The following DGKB variants were observed in gnomAD, a reference collection of about 807,000 sequenced individuals.
The protein encoded by DGKB is 90 kDa diacylglycerol kinase.
DGKB carries 67 observed loss-of-function variants against 114.3 expected under a neutral mutation model. The ratio of observed to expected loss-of-function variants is 0.59; its 90% CI spans 0.48 to 0.72. The LOEUF (loss-of-function observed/expected upper bound fraction) is 0.72, where lower values mean the gene tolerates loss of function less well. Ranked by LOEUF, DGKB falls within the 30% of genes least tolerant of loss-of-function variation. The probability of loss-of-function intolerance (pLI) is 0.00; values close to 1 mark genes in which losing one functional copy is unlikely to be tolerated. For missense variants in DGKB, 907 were observed against 975.2 expected (o/e 0.93, Z 0.93); for synonymous variants, 398 against 323.1 (o/e 1.23, Z -2.49).
intron 1 of DGKB, among the ~76,000 whole-genome samples, chr7:14,889,345 A>G (rs1188863759): frequency 6.6e-6 from 1 of 151,650 alleles, no homozygotes; most frequent in Non-Finnish European, 1.5e-5. Flanking sequence ...TCTTATAATC[A>G]TCTGAATGGG....
At chr7:14,408,122 G>C (rs563444419) in intron 21 of DGKB, among the ~76,000 whole-genome samples, 2 of 152,212 alleles carry the variant, frequency 1.3e-5, no homozygotes, top group African/African-American at 4.8e-5. Context: ...AAAAAACATG[G>C]TGGCTCCTGA....
intron 17 of DGKB, among the ~76,000 whole-genome samples, chr7:14,589,869 T>C (rs1801394458): frequency 1.3e-5 from 2 of 152,212 alleles, no homozygotes; most frequent in South Asian, 4.1e-4. Flanking sequence ...ACCACTTTTG[T>C]CTACTTTTTA....
At chr7:14,401,191 G>A (rs1823041484) in intron 21 of DGKB, among the ~76,000 whole-genome samples, 1 of 151,828 alleles carries the variant, frequency 6.6e-6, no homozygotes, top group African/African-American at 2.4e-5. Context: ...AATCCAAAAT[G>A]TCTTCCATTG....
intron 21 of DGKB, among the ~76,000 whole-genome samples, chr7:14,385,339 T>G (rs1244026678): frequency 6.6e-6 from 1 of 152,140 alleles, no homozygotes; most frequent in Non-Finnish European, 1.5e-5. Context: ...AGACTGGTGG[T>G]GAAGAAACCT....
In DGKB at chr7:14,512,138, A is replaced by G. The variant is rs1364298090; in HGVS notation, c.1771-33913T>C. 2.6e-5 allele frequency among the ~76,000 whole-genome samples: 4 copies of G among 152,216 alleles called. No homozygotes were observed. The East Asian group carries it at 5.8e-4, about 22-fold the overall frequency. ...TTTGCTCAAAATAGGGTTGCCATAG[A>G]CCTTCAATTTATAAAAAGCACAGTG... On this transcript the variant is annotated intron_variant, in intron 20 of 25. Coordinates refer to ENST00000402815, the MANE Select transcript of DGKB (RefSeq NM_001350709.2).
At chr7:14,626,011 G>C (rs1305901419) in intron 14 of DGKB, among the ~76,000 whole-genome samples, 1 of 151,762 alleles carries the variant, frequency 6.6e-6, no homozygotes, top group Non-Finnish European at 1.5e-5. Flanking sequence ...CATAAACAGA[G>C]AAGAAAAGCC....
chr7:14,710,375 G>T (rs1215533910), intron 6 of DGKB, among the ~76,000 whole-genome samples: 1 of 152,034 alleles, frequency 6.6e-6, no homozygotes, highest in Non-Finnish European at 1.5e-5. Context: ...CATAGATCTT[G>T]CTAAACACAC....
At chr7:14,222,648 T>G (rs1300649144) in intron 23 of DGKB, among the ~76,000 whole-genome samples, 2 of 151,478 alleles carry the variant, frequency 1.3e-5, no homozygotes, top group African/African-American at 4.8e-5. Context: ...ATTTATTATA[T>G]TGGTGTTTGT....
At chr7:14,708,892 G>C (rs1218955617) in intron 6 of DGKB, among the ~76,000 whole-genome samples, 1 of 151,134 alleles carries the variant, frequency 6.6e-6, no homozygotes. Context: ...TACCATTCGG[G>C]ACATAGGCAT....
intron 6 of DGKB, among the ~76,000 whole-genome samples, chr7:14,702,993 A>C (rs1217610365): frequency 6.6e-6 from 1 of 152,256 alleles, no homozygotes; most frequent in African/African-American, 2.4e-5. Flanking sequence ...ATAATACTAA[A>C]CTGGCTAAAA....
intron 23 of DGKB, chr7:14,269,217 G>A (rs573157647): frequency 6.6e-6 from 1 of 152,402 alleles, no homozygotes; most frequent in African/African-American, 2.4e-5. Context: ...TAGGAAGAAA[G>A]GAGGAAGCTG....
chr7:14,581,146 C>G (rs1400631286), intron 18 of DGKB, among the ~76,000 whole-genome samples, 195 bp from the exon 19 acceptor site: 1 of 152,074 alleles, frequency 6.6e-6, no homozygotes, highest in Non-Finnish European at 1.5e-5. Context: ...TGATAAGACA[C>G]AAATACTATT....
chr7:14,911,864 A>G (rs2128243816), intron 1 of DGKB, among the ~76,000 whole-genome samples: 1 of 152,322 alleles, frequency 6.6e-6, no homozygotes, highest in Admixed American at 6.5e-5. Context: ...AGAGTTTCTA[A>G]CTTTGTTTAC....
intron 13 of DGKB, among the ~76,000 whole-genome samples, chr7:14,661,059 T>C (rs1224426032): frequency 6.6e-6 from 1 of 151,214 alleles, no homozygotes; most frequent in East Asian, 2.0e-4. Flanking sequence ...CAATTCAAGA[T>C]GGATTAAAGA....
At chr7:14,888,057 T>C (rs1428256303) in intron 1 of DGKB, among the ~76,000 whole-genome samples, 1 of 151,684 alleles carries the variant, frequency 6.6e-6, no homozygotes, top group African/African-American at 2.4e-5. Context: ...TAGTGCAATC[T>C]TACCAATGAC....
chr7:14,147,072 A>G lies in DGKB; in HGVS notation c.*2059T>C, dbSNP rs1185737839. ...ACAAAGCCTGCCTGCCCATTGTAGA[A>G]AATTTTGTCAATTCATGTGAAAATA... On this transcript the variant is annotated 3_prime_UTR_variant, in exon 26 of 26. Transcript: ENST00000402815. The G allele has an allele frequency of 6.6e-6, 1 of 152,174 alleles. No homozygotes were observed. The highest frequency in any genetic ancestry group is 1.5e-5 in the Non-Finnish European group (1 of 68,000). 9.4% of individuals were successfully genotyped at this position (152,174 alleles called of 1,614,324 possible).
intron 20 of DGKB, among the ~76,000 whole-genome samples, chr7:14,563,841 T>C (rs1797021752): frequency 6.6e-6 from 1 of 152,204 alleles, no homozygotes; most frequent in African/African-American, 2.4e-5. Context: ...TGAAATATTC[T>C]GGGGTCTTCA....
At chr7:14,967,603 G>T (rs1354928510) in intron 1 of DGKB, among the ~76,000 whole-genome samples, 1 of 144,682 alleles carries the variant, frequency 6.9e-6, no homozygotes, top group Non-Finnish European at 1.5e-5. Context: ...TTACAGGTGC[G>T]AGCCACCGCG....
chr7:14,193,001 C>T (rs1784518693), intron 23 of DGKB, among the ~76,000 whole-genome samples: 1 of 152,038 alleles, frequency 6.6e-6, no homozygotes, highest in African/African-American at 2.4e-5. Context: ...GCTGATTTGA[C>T]AGGAGTCTGA....
Sources: gnomAD v4.1 joint callset for allele counts (sites outside exome capture counted in the v4.1 genomes callset) on GRCh38, gnomAD v4.1.1 for gene constraint, MANE v1.5 for transcripts, NCBI Gene and HGNC (gene_info 2026-07-23, HGNC 2026-07-21) for gene names.